SCPEP1: variants seen among roughly 807,000 people sequenced by gnomAD.
SCPEP1 encodes serine carboxypeptidase 1.
A neutral mutation model predicts 63.8 loss-of-function variants in SCPEP1; 51 were observed. That is an observed-to-expected ratio of 0.80 (90% CI 0.64 to 1.01). SCPEP1 has a LOEUF of 1.01. Ranked by LOEUF, SCPEP1 falls within the 50% of genes least tolerant of loss-of-function variation. The pLI is 0.00. For missense variants in SCPEP1, 499 were observed against 554.9 expected (o/e 0.90, Z 1.01); for synonymous variants, 204 against 207.8 (o/e 0.98, Z 0.16).
intron 6 of SCPEP1, 35 bp from the exon 7 acceptor site, chr17:56,994,946 A>T: frequency 6.3e-7 from 1 of 1,582,734 alleles, no homozygotes; most frequent in Non-Finnish European, 8.7e-7. Flanking sequence ...CAGAGGTATG[A>T]CATACTTGAT....
At chr17:56,997,763 C>CT (rs911483105) in intron 9 of SCPEP1, among the ~76,000 whole-genome samples, 94 of 146,102 alleles carry the variant, frequency 6.4e-4, no homozygotes, top group Admixed American at 9.6e-4. Flanking sequence ...TATTTTTTCC[C>CT]TTTTTTTTTT....
chr17:56,997,181 A>G (rs1911594650), intron 9 of SCPEP1, 126 bp downstream of exon 9: 3 of 566,168 alleles, frequency 5.3e-6, no homozygotes, highest in African/African-American at 1.9e-5. Context: ...ACTCACTGTA[A>G]GTGGTTTTCA....
intron 12 of SCPEP1, among the ~76,000 whole-genome samples, chr17:57,004,216 ACT>A (rs1384578359): frequency 2.0e-5 from 3 of 152,078 alleles, no homozygotes; most frequent in Admixed American, 6.5e-5. Flanking sequence ...ACAGAGTGAG[ACT>A]CTGTCTCAAA....
chr17:56,997,006 T>C lies in SCPEP1; in HGVS notation c.831T>C (p.Thr277=), dbSNP rs763935617. 7 of 1,610,410 alleles carry C rather than the reference T, an allele frequency of 4.3e-6. No individual in the cohort carries two copies. The Admixed American group carries it at 1.2e-4, about 27-fold the overall frequency. ...TCTATAACATCTTAACTAAAAGCAC[T>C]CCCACGTCTACAATGGAGTCGAGTC... ...VNFYNILTKS[T]PTSTMESSLE... The change falls in exon 9 of 13, where the codon ACT becomes ACC. Residue 277 remains threonine, a synonymous_variant. Transcript: ENST00000262288.
intron 1 of SCPEP1, 78 bp downstream of exon 1, chr17:56,978,313 C>T: frequency 7.0e-7 from 1 of 1,421,746 alleles, no homozygotes; most frequent in Non-Finnish European, 9.3e-7. Context: ...TGGGTTTGTG[C>T]TTTTGAAAAC....
intron 3 of SCPEP1, among the ~76,000 whole-genome samples, chr17:56,986,221 C>CTTT (rs869281244): frequency 1.4e-5 from 2 of 142,168 alleles, no homozygotes; most frequent in African/African-American, 5.1e-5. Flanking sequence ...GCTTTCTGCT[C>CTTT]TTTTTTTTTT....
intron 9 of SCPEP1, 82 bp from the exon 10 acceptor site, chr17:56,998,303 C>T: frequency 1.1e-6 from 1 of 901,834 alleles, no homozygotes; most frequent in Admixed American, 2.1e-5. Context: ...GAGAGAGATT[C>T]TGTCTCAAAA....
chr17:56,999,720 C>T (rs1043460361), intron 10 of SCPEP1, among the ~76,000 whole-genome samples: 3 of 152,128 alleles, frequency 2.0e-5, no homozygotes, highest in Admixed American at 6.5e-5. Flanking sequence ...TGGTGGCTCA[C>T]GCCTGTAATC....
At chr17:56,979,500 G>GA (rs796170866) in intron 1 of SCPEP1, among the ~76,000 whole-genome samples, 64 of 141,780 alleles carry the variant, frequency 4.5e-4, no homozygotes, top group Middle Eastern at 3.7e-3. Context: ...GGTTTTGGAG[G>GA]AAAAAAAAAA....
At chr17:56,983,060 G>A (rs1017216465) in intron 2 of SCPEP1, 1 of 152,140 alleles carries the variant, frequency 6.6e-6, no homozygotes, top group African/African-American at 2.4e-5. Context: ...TCAAGTCTTC[G>A]AAGCGTTTCA....
chr17:56,982,806 TGCTGAG>T (rs949067029), intron 2 of SCPEP1: 62 of 152,292 alleles, frequency 4.1e-4, no homozygotes, highest in African/African-American at 1.4e-3. Context: ...AAAGCACAAG[TGCTGAG>T]GCTGAGGCTT....
intron 1 of SCPEP1, among the ~76,000 whole-genome samples, chr17:56,979,518 A>T (rs772398734): frequency 2.0e-5 from 3 of 152,012 alleles, no homozygotes; most frequent in Non-Finnish European, 4.4e-5. Context: ...AAAAGATGCT[A>T]TAACTTGGAA....
chr17:57,001,100 G>A lies in SCPEP1; in HGVS notation c.1132+108G>A, dbSNP rs946159399. The stretch of plus-strand genomic sequence containing the variant: ...GCGGTGGGTGATGTTGAAATGCCAG[G>A]TGGAAGGCCATTTCCCATTACATCC... On this transcript the variant is annotated intron_variant, in intron 11 of 12. Coordinates refer to ENST00000262288, the MANE Select transcript of SCPEP1 (RefSeq NM_021626.3). 5 of 1,166,272 alleles carry A rather than the reference G, an allele frequency of 4.3e-6. No homozygotes were observed. In the Admixed American group the frequency reaches 7.1e-5, roughly 16 times the overall value. 72.2% of individuals were successfully genotyped at this position (1,166,272 alleles called of 1,614,324 possible).
At position 57,002,109 on chromosome 17, in the gene SCPEP1, T is replaced by C; in HGVS notation, c.1224T>C (p.Ser408=). The change falls in exon 12 of 13, where the codon TCT becomes TCC. Residue 408 remains serine, a synonymous_variant. Transcript: ENST00000262288. ...AGGCCCTGTACAGTGACCCTAAATC[T>C]TTGGAAACATCTGCTTTTGTCAAGT... ...KWKALYSDPK[S]LETSAFVKSY... 2 of 1,614,196 alleles carry C rather than the reference T, an allele frequency of 1.2e-6. No homozygotes were observed. The highest frequency in any genetic ancestry group is 1.7e-6 in the Non-Finnish European group (2 of 1,180,024).
At chr17:56,999,591 C>A (rs1038236564) in intron 10 of SCPEP1, among the ~76,000 whole-genome samples, 3 of 152,178 alleles carry the variant, frequency 2.0e-5, no homozygotes, top group Non-Finnish European at 4.4e-5. Context: ...CCTCTCCCAA[C>A]CTGCAGTCAC....
chr17:56,995,095 A>G lies in SCPEP1; in HGVS notation c.657+77A>G, dbSNP rs913496744. The G allele has an allele frequency of 5.3e-6, 7 of 1,314,100 alleles. No homozygotes were observed. In the African/African-American group the frequency reaches 8.7e-5, roughly 16 times the overall value. The allele number at this position is 1,314,100 out of a possible 1,614,324, so 81.4% of individuals were successfully genotyped here. On this transcript the variant is annotated intron_variant, in intron 7 of 12. Transcript: ENST00000262288. ...TCTGGCTGTGACCCCAGGAAAAGAG[A>G]TGCTGGATGAGTTTGCCTATGTGGT...
At chr17:56,998,542 G>A (rs1168617027) in intron 10 of SCPEP1, 44 bp downstream of exon 10, 1 of 1,430,706 alleles carries the variant, frequency 7.0e-7, no homozygotes, top group African/African-American at 1.4e-5. Context: ...CAGTTATGGG[G>A]AGAAAAGAGG....
intron 5 of SCPEP1, 69 bp downstream of exon 5, chr17:56,988,359 C>T (rs867452456): frequency 2.1e-5 from 25 of 1,179,940 alleles, no homozygotes; most frequent in African/African-American, 9.1e-5. Flanking sequence ...TATGTACTCA[C>T]GTGCTATTAA....
chr17:57,003,187 C>T (rs998672892), intron 12 of SCPEP1, among the ~76,000 whole-genome samples: 2 of 152,072 alleles, frequency 1.3e-5, no homozygotes, highest in African/African-American at 4.8e-5. Flanking sequence ...AATACAAGGT[C>T]CACAGGAGCC....
Sources: gnomAD v4.1 joint callset for allele counts (sites outside exome capture counted in the v4.1 genomes callset) on GRCh38, gnomAD v4.1.1 for gene constraint, MANE v1.5 for transcripts, NCBI Gene and HGNC (gene_info 2026-07-23, HGNC 2026-07-21) for gene names.